Variants in MYL4 observed in about 807,000 individuals in gnomAD.
MYL4 encodes the protein atrial myosin light chain 1.
Under a neutral mutation model 21.6 loss-of-function variants are expected in MYL4, and 16 were observed. The observed-to-expected ratio is 0.74, with a 90% CI of 0.50 to 1.12. The LOEUF is 1.12. Among genes scored for constraint, MYL4 ranks in the 50% most tolerant of loss-of-function variants. The pLI is 0.00. For synonymous variants in MYL4, 82 were observed against 95.7 expected (o/e 0.86, Z 0.83); for missense variants, 249 against 252.9 (o/e 0.98, Z 0.11).
At chr17:47,222,308 G>A (rs190991482) in intron 4 of MYL4, 72 bp from the exon 5 acceptor site, 4 of 1,399,520 alleles carry the variant, frequency 2.9e-6, no homozygotes, top group Non-Finnish European at 3.0e-6. Context: ...ACTTAAGGGG[G>A]TACTTGGGTA....
chr17:47,191,922 A>G, the MYL4 span, among the ~76,000 whole-genome samples: 1 of 152,212 alleles, frequency 6.6e-6, no homozygotes, highest in African/African-American at 2.4e-5. Flanking sequence ...ATAGGACCTT[A>G]CCACAGAGGA....
chr17:47,227,201 C>T (rs946281583), downstream of MYL4, among the ~76,000 whole-genome samples: 1 of 152,204 alleles, frequency 6.6e-6, no homozygotes, highest in African/African-American at 2.4e-5. Flanking sequence ...ACCAGTGCAA[C>T]TTATTTGCTG....
chr17:47,218,833 G>T (rs545279654), intron 2 of MYL4, among the ~76,000 whole-genome samples: 34 of 152,116 alleles, frequency 2.2e-4, no homozygotes, highest in Non-Finnish European at 4.3e-4. Flanking sequence ...AAGAGTTAAG[G>T]TTCTTTGAAA....
chr17:47,191,678 C>T, the MYL4 span, among the ~76,000 whole-genome samples: 1 of 152,134 alleles, frequency 6.6e-6, no homozygotes, highest in Non-Finnish European at 1.5e-5. Flanking sequence ...ACCATGTTGG[C>T]CAGGCTGGTC....
intron 3 of MYL4, 54 bp downstream of exon 3, chr17:47,220,107 G>T: frequency 1.3e-6 from 2 of 1,532,968 alleles, no homozygotes; most frequent in Non-Finnish European, 1.8e-6. Flanking sequence ...CAGCCCCTTG[G>T]CTTCCTCCTT....
chr17:47,215,172 A>G (rs35647835), intron 2 of MYL4, among the ~76,000 whole-genome samples: 1,554 of 152,364 alleles, frequency 0.01, 11 homozygotes, highest in Non-Finnish European at 0.015. Flanking sequence ...CTCTGTTTTC[A>G]TAATACTCAG....
upstream of MYL4, among the ~76,000 whole-genome samples, chr17:47,208,799 C>G (rs960980697): frequency 3.3e-5 from 5 of 152,098 alleles, no homozygotes; most frequent in Non-Finnish European, 5.9e-5. Context: ...GGGATGCCTG[C>G]TCTGGAAAAT....
chr17:47,214,010 C>T (rs1266837858), intron 2 of MYL4, 184 bp downstream of exon 2: 2 of 647,866 alleles, frequency 3.1e-6, no homozygotes, highest in East Asian at 5.4e-5. Context: ...TATGGATTAA[C>T]TCCTTTAATT....
upstream of MYL4, chr17:47,209,312 C>A: frequency 2.7e-6 from 4 of 1,467,526 alleles, no homozygotes; most frequent in Non-Finnish European, 3.8e-6. Flanking sequence ...GGGCTCCTGC[C>A]CAGGATAAAA....
In MYL4 at chr17:47,223,024, G is replaced by A. The variant is rs1289546978; in HGVS notation, c.576G>A (p.Lys192=). ...TCACTTTTTTCCTAGCCTTTGTCAA[G>A]CACATCATGTCAGGGTGAAGCAGAG... ...NGCINYEAFV[K]HIMSG The change falls in exon 6 of 7, where the codon AAG becomes AAA. Residue 192 remains lysine, a synonymous_variant. Coordinates refer to ENST00000393450, the MANE Select transcript of MYL4 (RefSeq NM_002476.2). 1 of 1,614,070 alleles carries A rather than the reference G, an allele frequency of 6.2e-7. No homozygotes were observed. Among genetic ancestry groups the A allele is most frequent in the Non-Finnish European group, 8.5e-7 (1 of 1,180,022 alleles).
At chr17:47,196,828 T>C (rs1177052478), upstream of MYL4, among the ~76,000 whole-genome samples, 5 of 152,150 alleles carry the variant, frequency 3.3e-5, no homozygotes, top group Admixed American at 3.3e-4. Context: ...GAACATTATG[T>C]CCCCATCACC....
upstream of MYL4, chr17:47,209,228 G>C: frequency 2.8e-6 from 2 of 726,724 alleles, no homozygotes; most frequent in East Asian, 4.9e-5. Flanking sequence ...ACAGTTGTCA[G>C]CTGTACCCTG....
At position 47,212,226 on chromosome 17, in the gene MYL4, G is replaced by T. The variant is rs549157828; in HGVS notation, c.136-1573G>T. Among the ~76,000 whole-genome samples, 10 of 152,146 alleles carry T rather than the reference G, an allele frequency of 6.6e-5. No homozygotes were observed. The South Asian group carries it at 2.1e-3, about 32-fold the overall frequency. ...TGCGAAACTCCATCTCAAAAAATAA[G>T]AATAAAAAATAAAATAAAATGATGA... On this transcript the variant is annotated intron_variant, in intron 1 of 6. Coordinates refer to ENST00000393450, the MANE Select transcript of MYL4 (RefSeq NM_002476.2).
chr17:47,195,732 T>A (rs984447594), upstream of MYL4, among the ~76,000 whole-genome samples: 8 of 152,232 alleles, frequency 5.3e-5, no homozygotes, highest in African/African-American at 1.9e-4. Flanking sequence ...GCTCTGCTTA[T>A]CCTCCAAATA....
intron 2 of MYL4, among the ~76,000 whole-genome samples, chr17:47,219,523 T>C (rs2064838497): frequency 6.6e-6 from 1 of 151,994 alleles, no homozygotes; most frequent in Non-Finnish European, 1.5e-5. Flanking sequence ...TTTTTTTTTG[T>C]TTCAAGATGG....
chr17:47,194,550 G>A, the MYL4 span, among the ~76,000 whole-genome samples: 1 of 152,038 alleles, frequency 6.6e-6, no homozygotes, highest in Non-Finnish European at 1.5e-5. Flanking sequence ...TAGTCGCAAC[G>A]ACCTGCCAAT....
intron 1 of MYL4, among the ~76,000 whole-genome samples, chr17:47,210,053 T>C (rs1284867381): frequency 1.3e-5 from 2 of 152,188 alleles, no homozygotes; most frequent in African/African-American, 2.4e-5. Flanking sequence ...ACAAACACTC[T>C]TACGGCAGGT....
upstream of MYL4, among the ~76,000 whole-genome samples, chr17:47,205,411 A>G (rs1678089936): frequency 6.6e-6 from 1 of 152,156 alleles, no homozygotes; most frequent in South Asian, 2.1e-4. Flanking sequence ...GATGCTCTCG[A>G]TTGGTAAGAT....
At chr17:47,214,698 G>A (rs530251526) in intron 2 of MYL4, among the ~76,000 whole-genome samples, 1 of 152,204 alleles carries the variant, frequency 6.6e-6, no homozygotes, top group African/African-American at 2.4e-5. Context: ...GACAACCACT[G>A]TGAACAGGTG....
Sources: allele counts gnomAD v4.1 joint callset (sites outside exome capture counted in the v4.1 genomes callset), GRCh38; gene constraint gnomAD v4.1.1; transcripts MANE v1.5; gene names NCBI Gene and HGNC (gene_info 2026-07-23, HGNC 2026-07-21).